CHSY3: variants seen among roughly 807,000 people sequenced by gnomAD.
The protein encoded by CHSY3 is chondroitin sulfate synthase 3.
CHSY3 carries 35 observed loss-of-function variants against 67.2 expected under a neutral mutation model. The observed-to-expected ratio is 0.52, with a 90% confidence interval of 0.40 to 0.69. The LOEUF (loss-of-function observed/expected upper bound fraction) is 0.69, where lower values mean the gene tolerates loss of function less well. Ranked by LOEUF, CHSY3 falls within the 30% of genes least tolerant of loss-of-function variation. The pLI, the probability that CHSY3 is intolerant of heterozygous loss-of-function variation, is 0.00. For synonymous variants in CHSY3, 474 were observed against 434.7 expected, an observed-to-expected ratio of 1.09 and a Z score of -1.12; for missense variants, 1,069 against 1,138.5, an observed-to-expected ratio of 0.94 and a Z score of 0.88.
chr5:130,020,462 T>TATATATATATATATA (rs1491353527), intron 2 of CHSY3, among the ~76,000 whole-genome samples: 12 of 15,874 alleles, frequency 7.6e-4, no homozygotes, highest in African/African-American at 1.3e-3. Flanking sequence ...TATATATATA[T>TATATATATATATATA]TTTTTTTTTT....
chr5:129,969,547 G>A (rs921113633), intron 2 of CHSY3, among the ~76,000 whole-genome samples: 15 of 151,862 alleles, frequency 9.9e-5, no homozygotes, highest in Admixed American at 6.6e-4. Flanking sequence ...ATTTGCTTGT[G>A]ACTGATCTCA....
chr5:129,985,850 A>G (rs923664919), intron 2 of CHSY3, among the ~76,000 whole-genome samples: 32 of 152,188 alleles, frequency 2.1e-4, no homozygotes, highest in African/African-American at 7.0e-4. Context: ...TAGAAATGAT[A>G]CTGATTTTTG....
intron 2 of CHSY3, among the ~76,000 whole-genome samples, chr5:130,084,598 A>T (rs183253180): frequency 0.014 from 2,105 of 149,642 alleles, 39 homozygotes; most frequent in African/African-American, 0.045. Flanking sequence ...TTAATTAATT[A>T]ATTAATTTAT....
chr5:130,180,438 A>T (rs980056154), intron 2 of CHSY3, among the ~76,000 whole-genome samples: 1 of 152,172 alleles, frequency 6.6e-6, no homozygotes, highest in African/African-American at 2.4e-5. Flanking sequence ...ACAGTTATAC[A>T]ATCATTACCA....
At chr5:130,042,836 C>T (rs1241754573) in intron 2 of CHSY3, among the ~76,000 whole-genome samples, 7 of 151,942 alleles carry the variant, frequency 4.6e-5, no homozygotes, top group African/African-American at 1.7e-4. Flanking sequence ...TATCCTGGTA[C>T]GTATTACCTA....
chr5:130,019,359 C>G (rs1764300779), intron 2 of CHSY3, among the ~76,000 whole-genome samples: 1 of 152,088 alleles, frequency 6.6e-6, no homozygotes, highest in South Asian at 2.1e-4. Context: ...TCAGGTACTC[C>G]ATCACCCAGC....
intron 2 of CHSY3, among the ~76,000 whole-genome samples, chr5:130,134,048 A>T (rs148735245): frequency 6.6e-6 from 1 of 152,176 alleles, no homozygotes; most frequent in South Asian, 2.1e-4. Context: ...TTTTTCCACT[A>T]ATTTTTTAAG....
At chr5:129,923,763 C>T (rs993335335) in intron 2 of CHSY3, among the ~76,000 whole-genome samples, 10 of 151,992 alleles carry the variant, frequency 6.6e-5, no homozygotes, top group Non-Finnish European at 1.5e-4. Context: ...AGTAGTAAAA[C>T]GGGATGAGAG....
intron 2 of CHSY3, among the ~76,000 whole-genome samples, chr5:129,953,207 CTAA>C (rs1283676844): frequency 2.6e-5 from 4 of 152,106 alleles, no homozygotes; most frequent in African/African-American, 9.7e-5. Context: ...TCAACTCCCA[CTAA>C]TGAGTGAGAA....
intron 2 of CHSY3, among the ~76,000 whole-genome samples, chr5:129,979,563 C>T (rs1351594601): frequency 6.6e-6 from 1 of 152,074 alleles, no homozygotes. Context: ...ACATCTCTCA[C>T]CATAAGGTAC....
At chr5:129,970,118 C>A (rs895496408) in intron 2 of CHSY3, among the ~76,000 whole-genome samples, 6 of 151,844 alleles carry the variant, frequency 4.0e-5, no homozygotes, top group Non-Finnish European at 5.9e-5. Context: ...CTTACTACTA[C>A]ATTTAATGTA....
At chr5:130,176,207 C>T (rs905998960) in intron 2 of CHSY3, among the ~76,000 whole-genome samples, 2 of 152,010 alleles carry the variant, frequency 1.3e-5, no homozygotes, top group Non-Finnish European at 2.9e-5. Flanking sequence ...ACAGACATTT[C>T]TCAAAAGAAG....
At chr5:130,103,256 C>A (rs985009424) in intron 2 of CHSY3, among the ~76,000 whole-genome samples, 9 of 151,956 alleles carry the variant, frequency 5.9e-5, no homozygotes, top group African/African-American at 2.2e-4. Context: ...TATGACAAAC[C>A]TATTAATGCA....
chr5:130,086,254 T>C (rs1766619452), intron 2 of CHSY3, among the ~76,000 whole-genome samples: 1 of 152,066 alleles, frequency 6.6e-6, no homozygotes. Flanking sequence ...TAAGTCTCTT[T>C]GTAGGTCACT....
At chr5:130,091,839 T>G (rs1368367629) in intron 2 of CHSY3, among the ~76,000 whole-genome samples, 1 of 152,172 alleles carries the variant, frequency 6.6e-6, no homozygotes, top group Non-Finnish European at 1.5e-5. Flanking sequence ...TAATTGTTAT[T>G]TCTTGGTACC....
At chr5:130,173,687 A>T (rs1769962833) in intron 2 of CHSY3, among the ~76,000 whole-genome samples, 1 of 152,144 alleles carries the variant, frequency 6.6e-6, no homozygotes. Context: ...GTACCTTATT[A>T]TTCTTATACC....
chr5:130,019,631 TAAC>T (rs1345396196), intron 2 of CHSY3, among the ~76,000 whole-genome samples: 1 of 152,204 alleles, frequency 6.6e-6, no homozygotes, highest in Non-Finnish European at 1.5e-5. Context: ...CCCCTCAAAA[TAAC>T]AACCTCGTTT....
chr5:130,000,183 T>G (rs1194243191), intron 2 of CHSY3, among the ~76,000 whole-genome samples: 1 of 152,244 alleles, frequency 6.6e-6, no homozygotes, highest in East Asian at 1.9e-4. Context: ...CTGTGCTTTT[T>G]ATGAAAGATA....
intron 2 of CHSY3, among the ~76,000 whole-genome samples, chr5:130,082,048 T>C (rs878983628): frequency 6.6e-6 from 1 of 152,060 alleles, no homozygotes; most frequent in Admixed American, 6.6e-5. Context: ...ACATAATCTC[T>C]CTCCTGGAAA....
Sources: allele counts gnomAD v4.1 joint callset (sites outside exome capture counted in the v4.1 genomes callset), GRCh38; gene constraint gnomAD v4.1.1; transcripts MANE v1.5; gene names NCBI Gene and HGNC (gene_info 2026-07-23, HGNC 2026-07-21).